GSG1L: variants seen among roughly 807,000 people sequenced by gnomAD.
The protein encoded by GSG1L is GSG1 like.
Under a neutral mutation model 42.1 loss-of-function variants are expected in GSG1L, and 24 were observed. The ratio of observed to expected loss-of-function variants is 0.57; its 90% CI spans 0.41 to 0.80. GSG1L has a LOEUF of 0.80. Among genes scored for constraint, GSG1L ranks in the 30% least tolerant of loss-of-function variants. The pLI is 0.00. For missense variants in GSG1L, 445 were observed against 472.2 expected, an observed-to-expected ratio of 0.94 and a Z score of 0.53; for synonymous variants, 215 against 203.5, an observed-to-expected ratio of 1.06 and a Z score of -0.48.
chr16:27,812,602 G>A (rs1309273895), intron 5 of GSG1L, among the ~76,000 whole-genome samples: 1 of 152,012 alleles, frequency 6.6e-6, no homozygotes, highest in African/African-American at 2.4e-5. Flanking sequence ...AGCCACCACG[G>A]GAGTTTTTAA....
At chr16:27,985,347 C>G (rs933616378) in intron 1 of GSG1L, among the ~76,000 whole-genome samples, 1 of 152,024 alleles carries the variant, frequency 6.6e-6, no homozygotes, top group African/African-American at 2.4e-5. Flanking sequence ...TTAGTTCACT[C>G]GAGAGCTGGT....
intron 3 of GSG1L, among the ~76,000 whole-genome samples, chr16:27,854,983 G>A (rs1224961824): frequency 1.3e-5 from 2 of 152,094 alleles, no homozygotes; most frequent in African/African-American, 4.8e-5. Flanking sequence ...ACATGCTTGA[G>A]CCCAGGAGTT....
intron 3 of GSG1L, among the ~76,000 whole-genome samples, chr16:27,878,714 G>T (rs536638845): frequency 2.6e-5 from 4 of 152,312 alleles, no homozygotes; most frequent in African/African-American, 9.6e-5. Flanking sequence ...TGGGGTTACA[G>T]GCATGAGCCA....
chr16:27,974,863 C>A (rs926054118), intron 1 of GSG1L, among the ~76,000 whole-genome samples: 1 of 152,100 alleles, frequency 6.6e-6, no homozygotes, highest in African/African-American at 2.4e-5. Flanking sequence ...CAGATGGTAC[C>A]TCCGAGGGGC....
At chr16:27,850,023 C>CTTT (rs57543425) in intron 3 of GSG1L, among the ~76,000 whole-genome samples, 15,005 of 68,826 alleles carry the variant, frequency 0.22, 3,524 homozygotes, top group East Asian at 0.32. Flanking sequence ...TTTGAAATGC[C>CTTT]TTTTTTTTTT....
chr16:27,942,952 A>G (rs1329218907), intron 2 of GSG1L, among the ~76,000 whole-genome samples: 2 of 152,190 alleles, frequency 1.3e-5, no homozygotes, highest in Non-Finnish European at 2.9e-5. Flanking sequence ...ATGCATGAAA[A>G]TCACCCACAG....
chr16:27,932,278 C>T (rs909453476), intron 2 of GSG1L, among the ~76,000 whole-genome samples: 4 of 152,098 alleles, frequency 2.6e-5, no homozygotes, highest in Non-Finnish European at 5.9e-5. Flanking sequence ...GTCTTGAACT[C>T]CTGACCTCAA....
intron 4 of GSG1L, among the ~76,000 whole-genome samples, chr16:27,833,758 A>G (rs920711162): frequency 6.6e-6 from 1 of 152,130 alleles, no homozygotes; most frequent in Non-Finnish European, 1.5e-5. Flanking sequence ...GCTAGTTTAT[A>G]AAAATACAAT....
chr16:27,998,776 C>T (rs756360272), intron 1 of GSG1L, among the ~76,000 whole-genome samples: 19 of 151,862 alleles, frequency 1.3e-4, no homozygotes, highest in Non-Finnish European at 2.4e-4. Context: ...AGAGTGAAAC[C>T]TTGTTTTTAA....
chr16:27,979,764 A>AAGAAAG, intron 1 of GSG1L, among the ~76,000 whole-genome samples: 1 of 138,858 alleles, frequency 7.2e-6, no homozygotes, highest in East Asian at 2.2e-4. Flanking sequence ...GAAAGAAAGA[A>AAGAAAG]AGAAGGAAAG....
At chr16:27,808,731 C>T (rs76612220) in intron 5 of GSG1L, among the ~76,000 whole-genome samples, 192 of 152,328 alleles carry the variant, frequency 1.3e-3, no homozygotes, top group Admixed American at 3.0e-3. Context: ...CCCAGTCTCC[C>T]AAATTCTGGT....
At chr16:27,987,935 G>A (rs780054094) in intron 1 of GSG1L, among the ~76,000 whole-genome samples, 6 of 102,890 alleles carry the variant, frequency 5.8e-5, no homozygotes, top group African/African-American at 3.9e-5. Context: ...AACAGAGCAA[G>A]ACTCCGTCTC....
rs866150735 is a variant in GSG1L, at chr16:27,787,701, T to C, written c.*3669A>G. 1.3e-5 allele frequency: 2 copies of C among 152,320 alleles called. No homozygotes were observed. The highest frequency in any genetic ancestry group is 3.4e-3 in the Middle Eastern group (1 of 294). The allele number at this position is 152,320 out of a possible 1,614,324, so 9.4% of individuals were successfully genotyped here. Reference sequence around the variant, plus strand: ...ATTTACATAAACACAACTATTAAAATAGATTAAAATTTTCCCCATGTGTCA... The same window carrying C: ...ATTTACATAAACACAACTATTAAAACAGATTAAAATTTTCCCCATGTGTCA... On this transcript the variant is annotated 3_prime_UTR_variant, in exon 7 of 7. Transcript: ENST00000447459.
chr16:27,852,811 G>A (rs948919815), intron 3 of GSG1L, among the ~76,000 whole-genome samples: 1 of 152,190 alleles, frequency 6.6e-6, no homozygotes, highest in African/African-American at 2.4e-5. Flanking sequence ...CAGGCGAGAG[G>A]AGCAGGAGGC....
chr16:28,033,919 TA>T (rs1343233562), intron 1 of GSG1L, among the ~76,000 whole-genome samples: 2 of 152,184 alleles, frequency 1.3e-5, no homozygotes, highest in Non-Finnish European at 2.9e-5. Flanking sequence ...AGAAGTTCCC[TA>T]GCTCCCATCC....
rs141891085 is a variant in GSG1L at position 28,037,708 on chromosome 16, A to G, written c.349+25368T>C. On this transcript the variant is annotated intron_variant, in intron 1 of 6. Transcript: ENST00000447459. ...CCACATGTATCTTTACTATGAGCCA[A>G]TCCTTATTCTTCTATCAAATTGCAA... Among the ~76,000 whole-genome samples the G allele has an allele frequency of 6.1e-3, 934 of 152,338 alleles. 7 individuals carry two copies. Among genetic ancestry groups the G allele is most frequent in the African/African-American group, 0.021 (870 of 41,568 alleles).
intron 5 of GSG1L, among the ~76,000 whole-genome samples, chr16:27,810,884 C>T (rs548567405): frequency 6.6e-6 from 1 of 152,080 alleles, no homozygotes; most frequent in Non-Finnish European, 1.5e-5. Flanking sequence ...ATGGGGGTCT[C>T]GCCATGTTGC....
intron 1 of GSG1L, among the ~76,000 whole-genome samples, chr16:27,980,218 T>C (rs1181929323): frequency 2.0e-5 from 3 of 152,080 alleles, no homozygotes; most frequent in African/African-American, 7.2e-5. Context: ...GGCATGGACA[T>C]TGGGCGCCCA....
intron 3 of GSG1L, among the ~76,000 whole-genome samples, chr16:27,874,452 T>C (rs2083860807): frequency 1.8e-5 from 1 of 55,326 alleles, no homozygotes; most frequent in African/African-American, 9.1e-5. Context: ...TTTTTTTTTT[T>C]TTTTTTTTTT....
Sources: allele counts gnomAD v4.1 joint callset (sites outside exome capture counted in the v4.1 genomes callset), GRCh38; gene constraint gnomAD v4.1.1; transcripts MANE v1.5; gene names NCBI Gene and HGNC (gene_info 2026-07-23, HGNC 2026-07-21).